AGBL4: variants seen among roughly 807,000 people sequenced by gnomAD.
AGBL4 encodes the protein cytosolic carboxypeptidase 6.
AGBL4 carries 58 observed loss-of-function variants against 66.4 expected under a neutral mutation model. The ratio of observed to expected loss-of-function variants is 0.87; its 90% CI spans 0.71 to 1.09. The LOEUF (loss-of-function observed/expected upper bound fraction) is 1.09, where lower values mean the gene tolerates loss of function less well. AGBL4 is among the 50% of genes least tolerant of loss of function. The pLI is 0.00. For missense variants in AGBL4, 579 were observed against 631.0 expected (o/e 0.92, Z 0.88); for synonymous variants, 234 against 222.9 (o/e 1.05, Z -0.44).
intron 1 of AGBL4, among the ~76,000 whole-genome samples, chr1:49,871,217 A>T (rs1187124928): frequency 7.9e-5 from 12 of 152,066 alleles, no homozygotes. Context: ...TTCTTTAATT[A>T]AAAAGCTATA....
intron 9 of AGBL4, among the ~76,000 whole-genome samples, chr1:48,630,539 A>G (rs1019231661): frequency 1.2e-4 from 19 of 152,080 alleles, no homozygotes; most frequent in African/African-American, 4.6e-4. Flanking sequence ...CACAGTCACC[A>G]TGTCCCTTAG....
chr1:49,573,184 GTGTGTA>G (rs942811576), intron 3 of AGBL4, among the ~76,000 whole-genome samples: 7 of 146,488 alleles, frequency 4.8e-5, no homozygotes, highest in African/African-American at 1.0e-4. Context: ...GTGTGTGTGT[GTGTGTA>G]TACTTTTAGT....
In AGBL4 at chr1:49,744,647, T is replaced by C. The variant is rs190662601; in HGVS notation, c.158-47210A>G. ...CATCAGCAAAAAGAATGATATAATATGAAAAAAGTATAAACCTATTTTTGT... is the reference window on the plus strand; with the variant it reads ...CATCAGCAAAAAGAATGATATAATACGAAAAAAGTATAAACCTATTTTTGT... On this transcript the variant is annotated intron_variant, in intron 2 of 13. Transcript: ENST00000371839. 2.2e-3 allele frequency among the ~76,000 whole-genome samples: 329 copies of C among 152,194 alleles called. 4 individuals carry two copies. The highest frequency in any genetic ancestry group is 7.2e-3 in the African/African-American group (300 of 41,558).
intron 1 of AGBL4, among the ~76,000 whole-genome samples, chr1:50,022,485 A>G (rs1662515001): frequency 6.6e-6 from 1 of 152,126 alleles, no homozygotes; most frequent in South Asian, 2.1e-4. Flanking sequence ...GCTACTCAAT[A>G]AAACAGAGGT....
chr1:49,245,698 A>G, intron 4 of AGBL4, 72 bp downstream of exon 4: 2 of 990,222 alleles, frequency 2.0e-6, no homozygotes, highest in South Asian at 3.4e-5. Flanking sequence ...GTCCATTAGT[A>G]GGTGTGTATA....
chr1:48,939,958 C>T (rs1445785669), intron 5 of AGBL4, among the ~76,000 whole-genome samples: 1 of 152,184 alleles, frequency 6.6e-6, no homozygotes, highest in Non-Finnish European at 1.5e-5. Flanking sequence ...TGCTGCTAAA[C>T]ATCCTACAAT....
chr1:48,625,090 CT>C (rs1645479154), intron 9 of AGBL4, among the ~76,000 whole-genome samples: 3 of 140,386 alleles, frequency 2.1e-5, no homozygotes, highest in Non-Finnish European at 4.6e-5. Context: ...TTTTTTCTTT[CT>C]CCTTCCTTCC....
intron 3 of AGBL4, among the ~76,000 whole-genome samples, chr1:49,260,565 G>T (rs918122472): frequency 6.6e-6 from 1 of 152,086 alleles, no homozygotes; most frequent in African/African-American, 2.4e-5. Context: ...TAGAAGAAAT[G>T]GATAAATTCC....
chr1:49,923,000 C>T (rs535677161), intron 1 of AGBL4, among the ~76,000 whole-genome samples: 9 of 152,218 alleles, frequency 5.9e-5, no homozygotes, highest in Non-Finnish European at 1.0e-4. Context: ...AAAAAGAGCT[C>T]GAATAGCCAA....
intron 2 of AGBL4, among the ~76,000 whole-genome samples, chr1:49,718,263 G>A (rs971737846): frequency 6.6e-6 from 1 of 151,996 alleles, no homozygotes; most frequent in African/African-American, 2.4e-5. Context: ...CTGCTTAAAA[G>A]AGTGTAGCAT....
intron 5 of AGBL4, among the ~76,000 whole-genome samples, chr1:48,891,042 A>G (rs1650901588): frequency 6.6e-6 from 1 of 152,226 alleles, no homozygotes. Flanking sequence ...TTTACTGATC[A>G]GTCCAGTAGG....
intron 4 of AGBL4, among the ~76,000 whole-genome samples, chr1:49,102,254 C>T (rs1645215952): frequency 6.6e-6 from 1 of 152,024 alleles, no homozygotes; most frequent in Non-Finnish European, 1.5e-5. Flanking sequence ...AAGGTCAGTA[C>T]TATCAGACAC....
intron 4 of AGBL4, among the ~76,000 whole-genome samples, chr1:49,207,506 T>TC (rs1648267626): frequency 1.3e-5 from 2 of 149,450 alleles, no homozygotes; most frequent in Non-Finnish European, 3.0e-5. Flanking sequence ...TCTTTCTTTC[T>TC]TTTTCTTTCT....
intron 3 of AGBL4, among the ~76,000 whole-genome samples, chr1:49,563,840 G>T (rs1330493822): frequency 3.9e-5 from 6 of 152,150 alleles, no homozygotes; most frequent in Admixed American, 1.3e-4. Flanking sequence ...AGTTAGGGAG[G>T]ATTCCCTCTT....
At chr1:48,681,098 T>C (rs1249925027) in intron 6 of AGBL4, among the ~76,000 whole-genome samples, 1 of 152,250 alleles carries the variant, frequency 6.6e-6, no homozygotes, top group Non-Finnish European at 1.5e-5. Context: ...GATAAACCTG[T>C]GGAAATTACT....
chr1:49,003,085 T>A (rs1303147540), intron 5 of AGBL4, among the ~76,000 whole-genome samples: 1 of 152,176 alleles, frequency 6.6e-6, no homozygotes, highest in Non-Finnish European at 1.5e-5. Context: ...AAAGAATGAA[T>A]GACTTGATGA....
At chr1:49,492,867 G>C (rs918965562) in intron 3 of AGBL4, among the ~76,000 whole-genome samples, 2 of 151,918 alleles carry the variant, frequency 1.3e-5, no homozygotes, top group South Asian at 2.1e-4. Flanking sequence ...ACATACCCAA[G>C]ACTGGGTAAT....
At chr1:48,780,665 C>A (rs992075071) in intron 6 of AGBL4, among the ~76,000 whole-genome samples, 2 of 152,142 alleles carry the variant, frequency 1.3e-5, no homozygotes, top group Non-Finnish European at 2.9e-5. Context: ...CTGACAAAAA[C>A]AAGCATTGGG....
intron 6 of AGBL4, among the ~76,000 whole-genome samples, chr1:48,676,279 G>A (rs139980524): frequency 1.7e-4 from 26 of 152,368 alleles, no homozygotes; most frequent in Admixed American, 7.2e-4. Context: ...AGGCTTGAGT[G>A]GGGGGTCTGA....
Sources: gnomAD v4.1 joint callset for allele counts (sites outside exome capture counted in the v4.1 genomes callset) on GRCh38, gnomAD v4.1.1 for gene constraint, MANE v1.5 for transcripts, NCBI Gene and HGNC (gene_info 2026-07-23, HGNC 2026-07-21) for gene names.